MILR1: variants seen among roughly 807,000 people sequenced by gnomAD.
MILR1 encodes the protein allergin-1.
MILR1 carries 31 observed loss-of-function variants against 18.5 expected under a neutral mutation model. That is an observed-to-expected ratio of 1.68 (90% CI 1.26 to 2.26). MILR1 has a LOEUF of 2.26. MILR1 is among the 30% of genes most tolerant of loss of function. The probability of loss-of-function intolerance (pLI) is 0.00; values close to 1 mark genes in which losing one functional copy is unlikely to be tolerated. For synonymous variants in MILR1, 85 were observed against 56.2 expected (o/e 1.51, Z -2.30); for missense variants, 257 against 157.4 (o/e 1.63, Z -3.38).
intron 2 of MILR1, among the ~76,000 whole-genome samples, chr17:64,450,440 G>C (rs936966258): frequency 5.9e-5 from 9 of 152,250 alleles, no homozygotes; most frequent in African/African-American, 2.2e-4. Flanking sequence ...CTATCCAGAA[G>C]CAGCCGTTAT....
chr17:64,485,663 A>G, the MILR1 span: 7 of 1,248,534 alleles, frequency 5.6e-6, no homozygotes, highest in South Asian at 1.2e-5. Context: ...GAGCACACTA[A>G]CATTAAGAAC....
the MILR1 span, among the ~76,000 whole-genome samples, chr17:64,491,222 C>G: frequency 4.6e-5 from 7 of 152,168 alleles, no homozygotes; most frequent in Non-Finnish European, 1.0e-4. Context: ...CTGCCTCCTA[C>G]TGCTGGCCTC....
the MILR1 span, among the ~76,000 whole-genome samples, chr17:64,489,967 C>T: frequency 3.5e-4 from 53 of 152,048 alleles, no homozygotes; most frequent in Middle Eastern, 6.8e-3. Flanking sequence ...GTTCTGTCGC[C>T]AGGCTGCAGT....
chr17:64,468,095 C>T (rs1052189550), intron 9 of MILR1, among the ~76,000 whole-genome samples: 28 of 152,032 alleles, frequency 1.8e-4, no homozygotes, highest in Non-Finnish European at 3.5e-4. Flanking sequence ...TTTTAGTCCC[C>T]TAGGGCTGCT....
chr17:64,496,959 G>A, the MILR1 span: 24 of 1,605,782 alleles, frequency 1.5e-5, no homozygotes, highest in East Asian at 3.6e-4. Context: ...ACGGCTACAC[G>A]AGAGCGCATC....
chr17:64,465,437 T>C lies in MILR1; in HGVS notation c.764-15T>C, dbSNP rs782736443. 1.3e-6 allele frequency: 2 copies of C among 1,558,282 alleles called. No individual in the cohort carries two copies. Among genetic ancestry groups the C allele is most frequent in the South Asian group, 2.3e-5 (2 of 86,926 alleles). On this transcript the variant is annotated splice_polypyrimidine_tract_variant and intron_variant, in intron 5 of 9. Coordinates refer to ENST00000619286, the MANE Select transcript of MILR1 (RefSeq NM_001085423.2). ...TGAATTGGTTTAATTTGATGATTCC[T>C]ACCTATTTACGTAGGAAAAGCTATG...
chr17:64,490,536 T>C, the MILR1 span: 1 of 466,442 alleles, frequency 2.1e-6, no homozygotes, highest in Non-Finnish European at 3.9e-6. Flanking sequence ...GACAACTACA[T>C]GAAAGACAAG....
intron 4 of MILR1, among the ~76,000 whole-genome samples, chr17:64,459,978 T>A (rs869033633): frequency 0.14 from 10,350 of 73,080 alleles, 531 homozygotes; most frequent in Middle Eastern, 0.3. Flanking sequence ...CTTTATTATT[T>A]TTATTTTATT....
the MILR1 span, chr17:64,496,304 C>T: frequency 5.4e-6 from 4 of 741,290 alleles, no homozygotes; most frequent in East Asian, 5.0e-5. Context: ...AACTAACTTC[C>T]TTGCATGGGA....
At chr17:64,492,798 G>A in the MILR1 span, 1 of 1,596,842 alleles carries the variant, frequency 6.3e-7, no homozygotes, top group Non-Finnish European at 8.6e-7. Flanking sequence ...GTATCAGGAA[G>A]TTAGCTTATC....
chr17:64,457,669 A>G lies in MILR1; in HGVS notation c.637A>G (p.Thr213Ala), dbSNP rs1015801425. ...CTATGCAACATACAGTCACCCTGTC[A>G]CCATGCCCTCAACAGGTAAGAGCAA... ...PNYATYSHPV[T>A]MPSTGGDSCP... Residue 213 changes from threonine (T) to alanine (A), a missense_variant, in exon 4 of 10, where the codon ACC (threonine) becomes GCC (alanine). Thr to Ala is a moderately conservative substitution (Grantham distance 58). Coordinates refer to ENST00000619286, the MANE Select transcript of MILR1 (RefSeq NM_001085423.2). 172 of 474,694 alleles carry G rather than the reference A, an allele frequency of 3.6e-4. No homozygotes were observed. The highest frequency in any genetic ancestry group is 5.2e-4 in the Non-Finnish European group (134 of 259,096). 29.4% of individuals were successfully genotyped at this position (474,694 alleles called of 1,614,324 possible).
chr17:64,492,751 A>C, the MILR1 span: 1 of 1,612,756 alleles, frequency 6.2e-7, no homozygotes, highest in African/African-American at 1.3e-5. Context: ...ATACTAACGA[A>C]GCTTCAGTCT....
chr17:64,494,297 G>GTGT, the MILR1 span, among the ~76,000 whole-genome samples: 12 of 152,266 alleles, frequency 7.9e-5, no homozygotes, highest in East Asian at 5.8e-4. Context: ...GTAGATGTGT[G>GTGT]TATCTTATTG....
intron 3 of MILR1, among the ~76,000 whole-genome samples, chr17:64,456,937 G>A (rs1480713225): frequency 6.6e-6 from 1 of 152,066 alleles, no homozygotes; most frequent in South Asian, 2.1e-4. Flanking sequence ...AGCACTTTGG[G>A]AATTCAAGGT....
At chr17:64,466,086 A>G (rs1555663121) in intron 6 of MILR1, among the ~76,000 whole-genome samples, 1 of 152,196 alleles carries the variant, frequency 6.6e-6, no homozygotes, top group Non-Finnish European at 1.5e-5. Flanking sequence ...AAGCAAACAC[A>G]TCCTTCTTCC....
chr17:64,487,825 G>A, the MILR1 span, among the ~76,000 whole-genome samples: 1 of 151,982 alleles, frequency 6.6e-6, no homozygotes, highest in Non-Finnish European at 1.5e-5. Context: ...AACATGGCAA[G>A]ATCCCATCCC....
chr17:64,494,968 T>C, the MILR1 span, among the ~76,000 whole-genome samples: 1 of 149,628 alleles, frequency 6.7e-6, no homozygotes, highest in African/African-American at 2.5e-5. Context: ...GGTCAGGAGA[T>C]AGAGACCATC....
At chr17:64,454,438 A>C (rs1352074070) in intron 3 of MILR1, among the ~76,000 whole-genome samples, 1 of 152,230 alleles carries the variant, frequency 6.6e-6, no homozygotes, top group Non-Finnish European at 1.5e-5. Context: ...CCACAGTCTC[A>C]GTTACATTTC....
Position 64,457,474 on chromosome 17 carries a change from C to T in MILR1, c.442C>T (p.Leu148Phe). Reference sequence around the variant, plus strand: ...AGACCGACATATAACATTACATTGCCTCTCAGTCAATGGCTCGCTGCCCAT... The same window carrying T: ...AGACCGACATATAACATTACATTGCTTCTCAGTCAATGGCTCGCTGCCCAT... ...ETDRHITLHC[L>F]SVNGSLPINY... Residue 148 changes from leucine (L) to phenylalanine (F), a missense_variant, in exon 4 of 10, where the codon CTC becomes TTC. Coordinates refer to ENST00000619286, the MANE Select transcript of MILR1 (RefSeq NM_001085423.2). 6.3e-6 allele frequency: 3 copies of T among 475,392 alleles called. No individual in the cohort carries two copies. The highest frequency in any genetic ancestry group is 1.2e-5 in the Non-Finnish European group (3 of 259,054). 29.4% of individuals were successfully genotyped at this position (475,392 alleles called of 1,614,324 possible).
Sources: gnomAD v4.1 joint callset for allele counts (sites outside exome capture counted in the v4.1 genomes callset) on GRCh38, gnomAD v4.1.1 for gene constraint, MANE v1.5 for transcripts, NCBI Gene and HGNC (gene_info 2026-07-23, HGNC 2026-07-21) for gene names.